Variants in PALM2AKAP2 observed in about 807,000 individuals in gnomAD.
PALM2AKAP2 encodes the protein PALM2-AKAP2 fusion protein.
In PALM2AKAP2, 37 loss-of-function variants were observed where a neutral mutation model predicts 71.5. The observed-to-expected ratio is 0.52, with a 90% CI of 0.40 to 0.68. PALM2AKAP2 has a LOEUF of 0.68. PALM2AKAP2 is among the 30% of genes least tolerant of loss of function. The probability of loss-of-function intolerance (pLI) is 0.00; values close to 1 mark genes in which losing one functional copy is unlikely to be tolerated. For missense variants in PALM2AKAP2, 1,224 were observed against 1,191.8 expected, an observed-to-expected ratio of 1.03 and a Z score of -0.40; for synonymous variants, 468 against 478.8, an observed-to-expected ratio of 0.98 and a Z score of 0.29.
At chr9:110,084,766 C>T (rs1044668964) in intron 1 of PALM2AKAP2, among the ~76,000 whole-genome samples, 2 of 151,718 alleles carry the variant, frequency 1.3e-5, no homozygotes, top group Non-Finnish European at 1.5e-5. Flanking sequence ...GACGGAGTCT[C>T]GCTCTGTTGC....
At chr9:109,749,962 G>T (rs1828860353) in intron 1 of PALM2AKAP2, among the ~76,000 whole-genome samples, 1 of 152,182 alleles carries the variant, frequency 6.6e-6, no homozygotes, top group Admixed American at 6.5e-5. Context: ...ACAGCTCTGG[G>T]CTGGTAGACA....
intron 7 of PALM2AKAP2, among the ~76,000 whole-genome samples, chr9:110,032,520 A>G (rs973656784): frequency 1.3e-5 from 2 of 151,646 alleles, no homozygotes; most frequent in African/African-American, 2.4e-5. Flanking sequence ...GTGAAACCCC[A>G]TCTCTACTAA....
intron 1 of PALM2AKAP2, among the ~76,000 whole-genome samples, chr9:109,688,825 C>A (rs1827839115): frequency 6.6e-6 from 1 of 152,166 alleles, no homozygotes; most frequent in Admixed American, 6.5e-5. Flanking sequence ...CATCAGCCTG[C>A]CAAGAAATTA....
intron 1 of PALM2AKAP2, among the ~76,000 whole-genome samples, chr9:109,730,000 ATTAT>A (rs1828530671): frequency 6.6e-6 from 1 of 152,350 alleles, no homozygotes; most frequent in African/African-American, 2.4e-5. Context: ...GCGTGTACTA[ATTAT>A]TTCTTGAGTG....
chr9:110,043,291 T>C (rs925708955), intron 7 of PALM2AKAP2, among the ~76,000 whole-genome samples: 1 of 152,202 alleles, frequency 6.6e-6, no homozygotes, highest in Non-Finnish European at 1.5e-5. Flanking sequence ...ACTTTAAAAG[T>C]GTATATTAAA....
At chr9:109,888,896 A>AG (rs1830026008) in intron 3 of PALM2AKAP2, among the ~76,000 whole-genome samples, 1 of 152,200 alleles carries the variant, frequency 6.6e-6, no homozygotes, top group East Asian at 1.9e-4. Flanking sequence ...AGTGGCTTCC[A>AG]GGGGCACCAT....
intron 1 of PALM2AKAP2, among the ~76,000 whole-genome samples, chr9:110,066,700 TAA>T (rs569725110): frequency 2.1e-5 from 3 of 141,398 alleles, no homozygotes; most frequent in African/African-American, 2.6e-5. Context: ...CATTGTCTCT[TAA>T]AAAAAAAAAA....
intron 1 of PALM2AKAP2, among the ~76,000 whole-genome samples, chr9:109,648,578 T>C (rs1282219564): frequency 6.6e-6 from 1 of 152,210 alleles, no homozygotes; most frequent in African/African-American, 2.4e-5. Context: ...AGGGTTATTT[T>C]TGATAGTGTC....
At chr9:110,098,910 A>C (rs771471367) in intron 1 of PALM2AKAP2, among the ~76,000 whole-genome samples, 3 of 152,178 alleles carry the variant, frequency 2.0e-5, no homozygotes, top group Non-Finnish European at 1.5e-5. Context: ...GCAGGCCAAC[A>C]TTTCCACCCC....
At chr9:109,788,795 G>A (rs560811050) in intron 1 of PALM2AKAP2, among the ~76,000 whole-genome samples, 4 of 152,286 alleles carry the variant, frequency 2.6e-5, no homozygotes, top group African/African-American at 9.6e-5. Flanking sequence ...CATGCAAGCC[G>A]GGTGCGGTGG....
At chr9:109,641,672 G>A (rs1401763671) in intron 1 of PALM2AKAP2, among the ~76,000 whole-genome samples, 1 of 152,154 alleles carries the variant, frequency 6.6e-6, no homozygotes, top group African/African-American at 2.4e-5. Flanking sequence ...CTCCAAGGAA[G>A]GGTCATTTTT....
At chr9:110,162,025 C>T in intron 3 of PALM2AKAP2, 69 bp from the exon 10 acceptor site, 1 of 1,584,676 alleles carries the variant, frequency 6.3e-7, no homozygotes, top group Non-Finnish European at 8.7e-7. Flanking sequence ...GTGCCTGTTC[C>T]CGGCTAGGGG....
chr9:109,912,564 CT>C (rs1830593354), intron 3 of PALM2AKAP2, among the ~76,000 whole-genome samples: 2 of 152,360 alleles, frequency 1.3e-5, no homozygotes, highest in African/African-American at 4.8e-5. Context: ...AATGCGCTGT[CT>C]TCCTGAAATG....
intron 7 of PALM2AKAP2, among the ~76,000 whole-genome samples, chr9:110,019,909 C>A (rs1240374834): frequency 1.3e-5 from 2 of 152,064 alleles, no homozygotes; most frequent in African/African-American, 4.8e-5. Flanking sequence ...TACCTTGTAT[C>A]AAGCCTGTTC....
Position 110,126,497 on chromosome 9 carries a change from G to A in PALM2AKAP2, c.157-9630G>A, listed in dbSNP as rs527834757. 7.9e-4 allele frequency among the ~76,000 whole-genome samples: 120 copies of A among 152,220 alleles called. 6 individuals are homozygous for A. The highest frequency in any genetic ancestry group is 2.1e-4 in the South Asian group (1 of 4,832). ...TGAGCTTGGTTTATTCTGGGGTAGG[G>A]ACTACCTTGCAAAATAATCTCCAGT... is the stretch of plus-strand genomic sequence containing the variant. On this transcript the variant is annotated intron_variant, in intron 1 of 3. Coordinates refer to ENST00000374525, the Ensembl canonical transcript of PALM2AKAP2.
intron 3 of PALM2AKAP2, among the ~76,000 whole-genome samples, chr9:109,921,759 A>G (rs7858354): frequency 0.095 from 14,385 of 152,116 alleles, 1,259 homozygotes; most frequent in East Asian, 0.26. Flanking sequence ...TGAAATAGGC[A>G]TGTTGTTAGA....
chr9:109,996,958 G>A (rs1052660136), intron 6 of PALM2AKAP2, among the ~76,000 whole-genome samples: 31 of 152,230 alleles, frequency 2.0e-4, no homozygotes, highest in African/African-American at 7.5e-4. Flanking sequence ...GGAGGCTGAA[G>A]CAGGTGGACC....
rs544007247 is a variant in PALM2AKAP2, at chr9:109,818,786, C to G, written c.45+38253C>G. On this transcript the variant is annotated intron_variant, in intron 1 of 9. Coordinates refer to the PALM2AKAP2 transcript ENST00000302798. ...TACTTTCGAAATAAGACTTAGGTACCAGTGAACACCTACATTGACAGGCCT... is the reference window on the plus strand; with the variant it reads ...TACTTTCGAAATAAGACTTAGGTACGAGTGAACACCTACATTGACAGGCCT... 2.4e-3 allele frequency among the ~76,000 whole-genome samples: 362 copies of G among 152,168 alleles called. 1 individual carries two copies. Among genetic ancestry groups the G allele is most frequent in the African/African-American group, 8.3e-3 (346 of 41,506 alleles).
chr9:109,757,763 A>G (rs148056922), intron 1 of PALM2AKAP2, among the ~76,000 whole-genome samples: 2 of 152,176 alleles, frequency 1.3e-5, no homozygotes, highest in East Asian at 3.9e-4. Flanking sequence ...AGGTTCACCA[A>G]AAATGTATAG....
Sources: allele counts gnomAD v4.1 joint callset (sites outside exome capture counted in the v4.1 genomes callset), GRCh38; gene constraint gnomAD v4.1.1; transcripts MANE v1.5; gene names NCBI Gene and HGNC (gene_info 2026-07-23, HGNC 2026-07-21).